Variants in STK38L observed in about 807,000 individuals in gnomAD.
STK38L encodes serine/threonine-protein kinase 38-like.
In STK38L, 28 loss-of-function variants were observed where a neutral mutation model predicts 59.7. That is an observed-to-expected ratio of 0.47 (90% CI 0.35 to 0.64). STK38L has a LOEUF of 0.64. Ranked by LOEUF, STK38L falls within the 30% of genes least tolerant of loss-of-function variation. The pLI is 0.01. For synonymous variants in STK38L, 162 were observed against 176.8 expected (o/e 0.92, Z 0.66); for missense variants, 314 against 555.8 (o/e 0.56, Z 4.37).
intron 1 of STK38L, among the ~76,000 whole-genome samples, chr12:27,252,888 C>G (rs1262974408): frequency 2.0e-5 from 3 of 152,068 alleles, no homozygotes; most frequent in Non-Finnish European, 4.4e-5. Context: ...GGTACCATGG[C>G]AAAATAGAGA....
intron 2 of STK38L, 23 bp downstream of exon 2, chr12:27,297,877 C>CT: frequency 1.2e-6 from 2 of 1,611,242 alleles, no homozygotes; most frequent in Non-Finnish European, 1.7e-6. Context: ...CTAATCAAAA[C>CT]TTTTTTTAGT....
In STK38L at chr12:27,314,799, G is replaced by A. The variant is rs546427806; in HGVS notation, c.672+141G>A. 3.5e-5 allele frequency: 37 copies of A among 1,047,102 alleles called. No individual in the cohort carries two copies. In the South Asian group the frequency reaches 6.1e-4, roughly 17 times the overall value. The allele number at this position is 1,047,102 out of a possible 1,614,324, so 64.9% of individuals were successfully genotyped here. A position where few individuals can be genotyped will look rare whatever the true frequency, so the allele number is the denominator to read the frequency against. On this transcript the variant is annotated intron_variant, in intron 7 of 13. Transcript: ENST00000389032. ...ATGATAAGGTACTAGGAGAGGACTTGGGAATTAAATGACAACAGGGAATAT... is the reference window on the plus strand; with the variant it reads ...ATGATAAGGTACTAGGAGAGGACTTAGGAATTAAATGACAACAGGGAATAT...
At chr12:27,314,785 C>A in intron 7 of STK38L, 127 bp downstream of exon 7, 1 of 1,111,264 alleles carries the variant, frequency 9.0e-7, no homozygotes, top group Non-Finnish European at 1.3e-6. Flanking sequence ...TGATAAGGTA[C>A]TAGGAGAGGA....
At chr12:27,247,623 C>T (rs748635550) in intron 1 of STK38L, among the ~76,000 whole-genome samples, 2 of 152,030 alleles carry the variant, frequency 1.3e-5, no homozygotes, top group Non-Finnish European at 2.9e-5. Flanking sequence ...AGAAGTTATT[C>T]CATATTAACT....
chr12:27,307,931 A>T (rs1265127036), intron 3 of STK38L, among the ~76,000 whole-genome samples: 1 of 152,190 alleles, frequency 6.6e-6, no homozygotes, highest in Non-Finnish European at 1.5e-5. Flanking sequence ...TTTTATTGTC[A>T]CAAGTCTCAG....
intron 4 of STK38L, 25 bp from the exon 5 acceptor site, chr12:27,309,089 A>G: frequency 1.3e-6 from 2 of 1,531,002 alleles, no homozygotes; most frequent in South Asian, 2.5e-5. Flanking sequence ...TGACTGTTTT[A>G]TAATATATGT....
At chr12:27,294,739 G>T (rs1289153653) in intron 1 of STK38L, among the ~76,000 whole-genome samples, 2 of 149,896 alleles carry the variant, frequency 1.3e-5, no homozygotes, top group African/African-American at 2.5e-5. Flanking sequence ...TAGAGACAGG[G>T]TCTTGCTCCA....
In STK38L at chr12:27,268,994, G is replaced by A. The variant is rs1009656416; in HGVS notation, c.-12+24662G>A. ...TGTTTTTTTCTTGTAAATTTGTTTGGGTTCATTGTAGATTCTGGATATTAG... is the reference window on the plus strand; with the variant it reads ...TGTTTTTTTCTTGTAAATTTGTTTGAGTTCATTGTAGATTCTGGATATTAG... On this transcript the variant is annotated intron_variant, in intron 1 of 13. Transcript: ENST00000389032. Among the ~76,000 whole-genome samples the A allele has an allele frequency of 7.9e-5, 12 of 151,946 alleles. No individual in the cohort carries two copies. The East Asian group carries it at 1.4e-3, about 17-fold the overall frequency.
At chr12:27,282,978 A>C (rs1451446234) in intron 1 of STK38L, among the ~76,000 whole-genome samples, 1 of 152,206 alleles carries the variant, frequency 6.6e-6, no homozygotes, top group Non-Finnish European at 1.5e-5. Flanking sequence ...TCTCTTCTAT[A>C]AATCAGAAGA....
chr12:27,306,834 G>A (rs1008213811), intron 3 of STK38L, among the ~76,000 whole-genome samples: 2 of 151,892 alleles, frequency 1.3e-5, no homozygotes, highest in Non-Finnish European at 2.9e-5. Context: ...TCTGCCTCCC[G>A]GGTTCAAGTG....
intron 9 of STK38L, 94 bp downstream of exon 9, chr12:27,315,444 A>T (rs1591941526): frequency 2.1e-6 from 2 of 970,280 alleles, no homozygotes; most frequent in East Asian, 5.3e-5. Flanking sequence ...AATAATTAGT[A>T]TTTACTTCAT....
intron 1 of STK38L, among the ~76,000 whole-genome samples, chr12:27,279,037 T>C (rs1006663390): frequency 9.9e-5 from 15 of 152,256 alleles, no homozygotes; most frequent in East Asian, 1.9e-4. Flanking sequence ...CCCTGACTTA[T>C]GAATTTTCAA....
rs1370289090 is a variant in STK38L at position 27,263,865 on chromosome 12, T to C, written c.-12+19533T>C. Among the ~76,000 whole-genome samples the C allele has an allele frequency of 4.6e-5, 7 of 152,312 alleles. No individual in the cohort carries two copies. The East Asian group carries it at 7.7e-4, about 17-fold the overall frequency. On this transcript the variant is annotated intron_variant, in intron 1 of 13. Transcript: ENST00000389032. The stretch of plus-strand genomic sequence containing the variant: ...GAGTGCCTAATTGTGAGATTCCTAA[T>C]AAATGGCAAGACATGTTCTGAAAAC...
intron 1 of STK38L, among the ~76,000 whole-genome samples, chr12:27,257,864 C>CTTT (rs112918365): frequency 7.1e-6 from 1 of 140,632 alleles, no homozygotes; most frequent in Non-Finnish European, 1.5e-5. Context: ...TTATGTCAAG[C>CTTT]TTTTTTTTTT....
At chr12:27,320,018 T>A (rs1461735) in intron 12 of STK38L, among the ~76,000 whole-genome samples, 3 of 152,124 alleles carry the variant, frequency 2.0e-5, no homozygotes, top group East Asian at 3.9e-4. Context: ...CACTGCTTTC[T>A]TAGGACTGCA....
At position 27,323,252 on chromosome 12, in the gene STK38L, TC is replaced by T. The variant is rs1944772181; in HGVS notation, c.*798del. On this transcript the variant is annotated 3_prime_UTR_variant, in exon 14 of 14. Coordinates refer to ENST00000389032, the MANE Select transcript of STK38L (RefSeq NM_015000.4). ...TTGATTTTCTTGTGACAAGAGAACT[TC>T]TTTTTTTAACAAGAGGACATGGCAT... 6.6e-6 allele frequency: 1 copy of T among 152,178 alleles called. No homozygotes were observed. Among genetic ancestry groups the T allele is most frequent in the Non-Finnish European group, 1.5e-5 (1 of 67,988 alleles). The allele number at this position is 152,178 out of a possible 1,614,324, so 9.4% of individuals were successfully genotyped here.
chr12:27,309,152 T>C lies in STK38L; in HGVS notation c.348T>C (p.Tyr116=). 1.9e-6 allele frequency: 3 copies of C among 1,604,726 alleles called. No individual in the cohort carries two copies. In the South Asian group the frequency reaches 3.3e-5, roughly 18 times the overall value. The change falls in exon 5 of 14, where the codon TAT becomes TAC. Residue 116 remains tyrosine (Y), a synonymous_variant. Coordinates refer to ENST00000389032, the MANE Select transcript of STK38L (RefSeq NM_015000.4). ...LVQKKDTGHI[Y]AMKILRKSDM... ...AGAAGAAAGATACAGGCCATATCTA[T>C]GCAATGAAGATATTGAGAAAGTCTG...
rs111525972 is a variant in STK38L, at chr12:27,249,829, C to T, written c.-12+5497C>T. Among the ~76,000 whole-genome samples the T allele has an allele frequency of 2.2e-3, 328 of 152,300 alleles. 4 individuals carry two copies. The highest frequency in any genetic ancestry group is 7.6e-3 in the African/African-American group (317 of 41,554). ...ATGTTATAATAGATAAATCTCTGAT[C>T]CCGTATGCACAGATAGCATCCATTG... is the stretch of plus-strand genomic sequence containing the variant. On this transcript the variant is annotated intron_variant, in intron 1 of 13. Coordinates refer to ENST00000389032, the MANE Select transcript of STK38L (RefSeq NM_015000.4).
chr12:27,278,003 T>G (rs1422859840), intron 1 of STK38L, among the ~76,000 whole-genome samples: 1 of 152,120 alleles, frequency 6.6e-6, no homozygotes, highest in Non-Finnish European at 1.5e-5. Flanking sequence ...ACTTTTCAGG[T>G]CATGTATAAG....
Sources: gnomAD v4.1 joint callset for allele counts (sites outside exome capture counted in the v4.1 genomes callset) on GRCh38, gnomAD v4.1.1 for gene constraint, MANE v1.5 for transcripts, NCBI Gene and HGNC (gene_info 2026-07-23, HGNC 2026-07-21) for gene names.